Variants in ADCK1 observed in about 807,000 individuals in gnomAD.
The protein encoded by ADCK1 is aarF domain-containing protein kinase 1.
In ADCK1, 41 loss-of-function variants were observed where a neutral mutation model predicts 52.3. The ratio of observed to expected loss-of-function variants is 0.78; its 90% CI spans 0.61 to 1.02. The LOEUF is 1.02. Ranked by LOEUF, ADCK1 falls within the 50% of genes least tolerant of loss-of-function variation. The pLI is 0.00. For synonymous variants in ADCK1, 250 were observed against 274.6 expected (o/e 0.91, Z 0.89); for missense variants, 658 against 679.5 (o/e 0.97, Z 0.35).
intron 4 of ADCK1, among the ~76,000 whole-genome samples, chr14:77,879,440 G>T (rs1470965474): frequency 6.6e-6 from 1 of 152,200 alleles, no homozygotes; most frequent in Non-Finnish European, 1.5e-5. Flanking sequence ...AAGAATGAGT[G>T]GGGGAAGGGA....
Position 77,924,616 on chromosome 14 carries a change from G to A in ADCK1, c.1008+10G>A. On this transcript the variant is annotated intron_variant, in intron 8 of 10. Transcript: ENST00000238561. Reference sequence around the variant, plus strand: ...CCATGGGCTTTACCAGGTAGAAGAGGCCTTTGTTACCCAGCCCTGGGGCCT... The same window carrying A: ...CCATGGGCTTTACCAGGTAGAAGAGACCTTTGTTACCCAGCCCTGGGGCCT... 1 of 1,611,884 alleles carries A rather than the reference G, an allele frequency of 6.2e-7. No individual in the cohort carries two copies. Among genetic ancestry groups the A allele is most frequent in the South Asian group, 1.1e-5 (1 of 91,068 alleles).
chr14:77,850,946 C>T (rs915646422), intron 3 of ADCK1, among the ~76,000 whole-genome samples: 1 of 152,004 alleles, frequency 6.6e-6, no homozygotes, highest in African/African-American at 2.4e-5. Context: ...TGAGCCACCA[C>T]ACCCGGCCCG....
chr14:77,819,321 T>C (rs2081532654), intron 2 of ADCK1, among the ~76,000 whole-genome samples: 1 of 152,244 alleles, frequency 6.6e-6, no homozygotes, highest in Non-Finnish European at 1.5e-5. Context: ...CATATTCCTT[T>C]ATTCCTGTAC....
rs2082601830 is a variant in ADCK1, at chr14:77,863,708, G to C, written c.423+4429G>C. Among the ~76,000 whole-genome samples, 3 of 152,034 alleles carry C rather than the reference G, an allele frequency of 2.0e-5. No homozygotes were observed. In the South Asian group the frequency reaches 6.2e-4, roughly 32 times the overall value. On this transcript the variant is annotated intron_variant, in intron 4 of 10. Transcript: ENST00000238561. ...AAAAATTAGCTGGGTGTGGTGGTGG[G>C]CGCTTGTCATCCAAGCTACTTGGAA...
intron 3 of ADCK1, 87 bp from the exon 4 acceptor site, chr14:77,858,989 T>G: frequency 7.6e-7 from 1 of 1,309,682 alleles, no homozygotes; most frequent in Non-Finnish European, 1.0e-6. Flanking sequence ...AATGAGGGTT[T>G]TCAAGCAGAG....
intron 4 of ADCK1, among the ~76,000 whole-genome samples, chr14:77,864,770 G>A (rs965980582): frequency 2.0e-5 from 3 of 152,100 alleles, no homozygotes; most frequent in Admixed American, 6.6e-5. Flanking sequence ...ATAGAGGCTG[G>A]GAAGTCCAAA....
At chr14:77,834,306 A>G (rs1469610588) in intron 3 of ADCK1, among the ~76,000 whole-genome samples, 1 of 152,110 alleles carries the variant, frequency 6.6e-6, no homozygotes, top group Admixed American at 6.6e-5. Context: ...TACCAGCTGA[A>G]ATTGCCTCTT....
chr14:77,852,671 A>ATATATTTATATATATATATATATAT lies in ADCK1; in HGVS notation c.220-6400_220-6399insTTATATATATATATATATATTATAT, dbSNP rs1566667220. On this transcript the variant is annotated intron_variant, in intron 3 of 10. Coordinates refer to ENST00000238561, the MANE Select transcript of ADCK1 (RefSeq NM_020421.4). ...TCTTTAAATAAATAAATATATATAT[A>ATATATTTATATATATATATATATAT]TATATATATATATATATATATATAT... Among the ~76,000 whole-genome samples the ATATATTTATATATATATATATATAT allele has an allele frequency of 0.013, 139 of 10,792 alleles. No homozygotes were observed. The South Asian group carries it at 0.13, about 10-fold the overall frequency. 7.1% of individuals were successfully genotyped at this position (10,792 alleles called of 152,430 possible). A position where few individuals can be genotyped will look rare whatever the true frequency, so the allele number is the denominator to read the frequency against.
chr14:77,883,425 G>A (rs1056964287), intron 4 of ADCK1, among the ~76,000 whole-genome samples: 1 of 152,062 alleles, frequency 6.6e-6, no homozygotes, highest in Admixed American at 6.5e-5. Context: ...TTCTGCTTTC[G>A]GGACAGGGTC....
intron 2 of ADCK1, among the ~76,000 whole-genome samples, chr14:77,820,070 G>A (rs771266974): frequency 1.3e-5 from 2 of 152,046 alleles, no homozygotes; most frequent in Non-Finnish European, 2.9e-5. Flanking sequence ...TTTTTTGGTC[G>A]AGCATTGTCT....
chr14:77,816,670 G>GT (rs1566631109), intron 1 of ADCK1, among the ~76,000 whole-genome samples: 1 of 150,852 alleles, frequency 6.6e-6, no homozygotes. Context: ...GCCAGCAAAC[G>GT]TAAGTGTGTA....
chr14:77,849,822 G>C (rs911194760), intron 3 of ADCK1, among the ~76,000 whole-genome samples: 1 of 152,124 alleles, frequency 6.6e-6, no homozygotes, highest in Non-Finnish European at 1.5e-5. Flanking sequence ...TTCCATTGTG[G>C]TCAGAGAAAA....
intron 3 of ADCK1, among the ~76,000 whole-genome samples, chr14:77,831,538 C>T (rs1308258921): frequency 1.3e-5 from 2 of 152,176 alleles, no homozygotes; most frequent in African/African-American, 4.8e-5. Flanking sequence ...TTTGGCATTA[C>T]TAAAATCTGC....
intron 7 of ADCK1, among the ~76,000 whole-genome samples, chr14:77,922,450 G>T (rs951035680): frequency 6.6e-6 from 1 of 152,222 alleles, no homozygotes; most frequent in African/African-American, 2.4e-5. Flanking sequence ...AAGCTAGTCT[G>T]CTCACCTTCC....
intron 3 of ADCK1, among the ~76,000 whole-genome samples, chr14:77,828,136 G>C (rs1377605233): frequency 3.3e-5 from 5 of 151,914 alleles, no homozygotes; most frequent in Admixed American, 3.3e-4. Context: ...CCCAATTTTT[G>C]TGTTTTTAGT....
At chr14:77,836,098 TG>T (rs2081953799) in intron 3 of ADCK1, among the ~76,000 whole-genome samples, 1 of 152,228 alleles carries the variant, frequency 6.6e-6, no homozygotes, top group Non-Finnish European at 1.5e-5. Context: ...GCTGTTACCG[TG>T]GGAATGGGTT....
chr14:77,924,921 C>T (rs958062182), intron 8 of ADCK1, among the ~76,000 whole-genome samples: 2 of 152,216 alleles, frequency 1.3e-5, no homozygotes, highest in African/African-American at 4.8e-5. Context: ...GTGAGCTGTC[C>T]TCTGCATGAG....
rs181753120 is a variant in ADCK1 at position 77,875,693 on chromosome 14, G to A, written c.424-11398G>A. On this transcript the variant is annotated intron_variant, in intron 4 of 10. Transcript: ENST00000238561. ...GTGAACTATGGACTGTTGCCTGCAC[G>A]TGAGCGGCAGAGGAAATTGGGCTCC... 1.4e-4 allele frequency among the ~76,000 whole-genome samples: 22 copies of A among 152,268 alleles called. 1 individual carries two copies. The highest frequency in any genetic ancestry group is 3.6e-4 in the African/African-American group (15 of 41,544).
At chr14:77,908,021 C>T in intron 7 of ADCK1, 102 bp downstream of exon 7, 1 of 924,282 alleles carries the variant, frequency 1.1e-6, no homozygotes, top group South Asian at 1.5e-5. Context: ...GAGTCTGGCC[C>T]CCTTGTCTTT....
Sources: gnomAD v4.1 joint callset for allele counts (sites outside exome capture counted in the v4.1 genomes callset) on GRCh38, gnomAD v4.1.1 for gene constraint, MANE v1.5 for transcripts, NCBI Gene and HGNC (gene_info 2026-07-23, HGNC 2026-07-21) for gene names.